Variants in HECTD4 observed in about 807,000 individuals in gnomAD.
HECTD4 encodes HECT domain E3 ubiquitin protein ligase 4, also known as probable E3 ubiquitin-protein ligase HECTD4.
Under a neutral mutation model 471.5 loss-of-function variants are expected in HECTD4, and 114 were observed. The ratio of observed to expected loss-of-function variants is 0.24; its 90% CI spans 0.21 to 0.28. The LOEUF is 0.28. Ranked by LOEUF, HECTD4 falls within the 10% of genes least tolerant of loss-of-function variation. HECTD4 has a pLI of 1.00. For missense variants in HECTD4, 3,866 were observed against 5,651.5 expected (o/e 0.68, Z 10.13); for synonymous variants, 2,012 against 2,256.0 (o/e 0.89, Z 3.07).
At chr12:112,266,688 G>A (rs2034279682) in intron 14 of HECTD4, among the ~76,000 whole-genome samples, 1 of 152,160 alleles carries the variant, frequency 6.6e-6, no homozygotes, top group Non-Finnish European at 1.5e-5. Flanking sequence ...TTGCTATGCT[G>A]GCCAGGCTGG....
rs528371214 is a variant in HECTD4, at chr12:112,216,308, G to A, written c.7449C>T (p.Asp2483=). ...TGCACTCACCGGGGGAGAGAGTCAC[G>A]TCTAAGCGAACGCTCTTCCACTGTA... The part of the protein sequence containing the change: ...SLLQWKSVRL[D]VTLSPGDVAG... The change falls in exon 48 of 76, where the codon GAC becomes GAT. Residue 2483 remains aspartate, a synonymous_variant. Transcript: ENST00000682272. The A allele has an allele frequency of 1.7e-5, 27 of 1,553,678 alleles. 1 individual carries two copies. The African/African-American group carries it at 1.8e-4, about 10-fold the overall frequency.
At chr12:112,260,836 G>C (rs1215593937) in intron 18 of HECTD4, among the ~76,000 whole-genome samples, 1 of 151,602 alleles carries the variant, frequency 6.6e-6, no homozygotes, top group Non-Finnish European at 1.5e-5. Context: ...TACTGTGAAA[G>C]AGAAGTCTGC....
At chr12:112,203,858 G>T in intron 53 of HECTD4, 86 bp from the exon 54 acceptor site, 1 of 692,184 alleles carries the variant, frequency 1.4e-6, no homozygotes, top group East Asian at 3.1e-5. Context: ...TAGCTCTCCA[G>T]ATAAACATAA....
chr12:112,181,518 A>T (rs918264667), intron 62 of HECTD4, among the ~76,000 whole-genome samples: 1 of 152,098 alleles, frequency 6.6e-6, no homozygotes, highest in African/African-American at 2.4e-5. Flanking sequence ...GTTGGAGTGC[A>T]GTGGCGTGAT....
chr12:112,162,555 G>A lies in HECTD4; in HGVS notation c.13121-32C>T, dbSNP rs2030730596. The A allele has an allele frequency of 1.2e-6, 2 of 1,613,468 alleles. No homozygotes were observed. The highest frequency in any genetic ancestry group is 2.7e-5 in the African/African-American group (2 of 74,922). ...GAAACCGAGCCAGCATCAGAGGGTT[G>A]GGCCCACATCTGTGAGGCTCCCAGG... On this transcript the variant is annotated intron_variant, in intron 75 of 75. Coordinates refer to ENST00000682272, the MANE Select transcript of HECTD4 (RefSeq NM_001388303.1). This position sits in a 1 kb window ranked among gnomAD's most constrained non-coding sequence, Gnocchi z 5.2.
intron 9 of HECTD4, among the ~76,000 whole-genome samples, chr12:112,275,645 T>A (rs2034511036): frequency 1.3e-5 from 2 of 152,058 alleles, no homozygotes; most frequent in Non-Finnish European, 2.9e-5. Flanking sequence ...TATGTATTAA[T>A]TGCTATCATT....
chr12:112,259,613 G>GGGTAAAAGTGATCCTCCCACCTC (rs1193819954), intron 18 of HECTD4, among the ~76,000 whole-genome samples: 1 of 147,432 alleles, frequency 6.8e-6, no homozygotes, highest in Non-Finnish European at 1.5e-5. Flanking sequence ...TTGATCTCCT[G>GGGTAAAAGTGATCCTCCCACCTC]GGTACAAGTG....
chr12:112,237,163 G>C (rs2033529948), intron 34 of HECTD4, 65 bp from the exon 35 acceptor site: 1 of 1,439,794 alleles, frequency 6.9e-7, no homozygotes, highest in Admixed American at 2.3e-5. Flanking sequence ...GTGAGCCTGA[G>C]GGGGCGGCGA....
intron 9 of HECTD4, among the ~76,000 whole-genome samples, chr12:112,275,176 T>C (rs1009368656): frequency 6.6e-6 from 1 of 152,204 alleles, no homozygotes; most frequent in Non-Finnish European, 1.5e-5. Context: ...TACCGAACCA[T>C]AGTTTTCAAA....
intron 52 of HECTD4, 71 bp from the exon 53 acceptor site, chr12:112,204,694 T>C: frequency 8.4e-7 from 1 of 1,184,256 alleles, no homozygotes; most frequent in East Asian, 2.4e-5. Flanking sequence ...CTGACTTACA[T>C]GTAGAGTGAA....
At chr12:112,362,500 G>A (rs1270867217) in intron 1 of HECTD4, among the ~76,000 whole-genome samples, 1 of 152,048 alleles carries the variant, frequency 6.6e-6, no homozygotes, top group Non-Finnish European at 1.5e-5. Flanking sequence ...GTGGAGTGAT[G>A]GGAGGGAGGG....
chr12:112,352,822 G>T (rs2036270239), intron 1 of HECTD4, among the ~76,000 whole-genome samples: 1 of 151,934 alleles, frequency 6.6e-6, no homozygotes, highest in Non-Finnish European at 1.5e-5. Context: ...GCCAGGGCTG[G>T]TCTCGAACTC....
At chr12:112,214,832 T>C (rs2032869056) in intron 48 of HECTD4, among the ~76,000 whole-genome samples, 1 of 152,124 alleles carries the variant, frequency 6.6e-6, no homozygotes, top group African/African-American at 2.4e-5. Context: ...TTCCAAGTCA[T>C]AGTATGACTT....
intron 1 of HECTD4, among the ~76,000 whole-genome samples, chr12:112,357,022 C>T (rs1009496056): frequency 3.9e-5 from 6 of 152,074 alleles, no homozygotes; most frequent in African/African-American, 1.4e-4. Flanking sequence ...ACGGAACATA[C>T]TTTATTTTCC....
chr12:112,209,512 G>C (rs1167985420), intron 50 of HECTD4, among the ~76,000 whole-genome samples: 1 of 152,072 alleles, frequency 6.6e-6, no homozygotes, highest in Non-Finnish European at 1.5e-5. Flanking sequence ...TTTTAGTAGA[G>C]ACGGGGTTTC....
In HECTD4 at chr12:112,360,343, G is replaced by T. The variant is rs545508012; in HGVS notation, c.177+21609C>A. On this transcript the variant is annotated intron_variant, in intron 1 of 75. Transcript: ENST00000682272. Reference sequence around the variant, plus strand: ...AGACCCTGTCTCTAAGTAAATAAATGAATAAAATGTATAAAGTAGCAAAAT... The same window carrying T: ...AGACCCTGTCTCTAAGTAAATAAATTAATAAAATGTATAAAGTAGCAAAAT... Among the ~76,000 whole-genome samples, 10 of 152,076 alleles carry T rather than the reference G, an allele frequency of 6.6e-5. No homozygotes were observed. In the South Asian group the frequency reaches 2.1e-3, roughly 32 times the overall value.
rs1477462853 is a variant in HECTD4, at chr12:112,235,660, G to A, written c.5569C>T (p.Leu1857=). The A allele has an allele frequency of 1.2e-6, 2 of 1,613,918 alleles. No individual in the cohort carries two copies. Among genetic ancestry groups the A allele is most frequent in the African/African-American group, 2.7e-5 (2 of 74,934 alleles). ...CAGTCTTCTACGCTCATCAGGGGCA[G>A]CGCCGCCCGGCACAGCTGGAGAATA... ...LIILQLCRAA[L]PLMSVEDCGN... is the part of the protein sequence containing the mutation. Residue 1857 remains leucine (L), a synonymous_variant, in exon 36 of 76, where the codon CTG becomes TTG. Transcript: ENST00000682272. This position sits in a 1 kb window ranked among gnomAD's most constrained non-coding sequence, Gnocchi z 5.0.
At position 112,269,791 on chromosome 12, in the gene HECTD4, C is replaced by T. The variant is rs763500435; in HGVS notation, c.2234G>A (p.Arg745Gln). 11 of 1,613,874 alleles carry T rather than the reference C, an allele frequency of 6.8e-6. No individual in the cohort carries two copies. The highest frequency in any genetic ancestry group is 1.7e-5 in the Admixed American group (1 of 60,022). The change falls in exon 13 of 76, where the codon CGG becomes CAG. Residue 745 changes from arginine to glutamine, a missense_variant. By Grantham distance (43) the Arg-to-Gln change is conservative (BLOSUM62 1). Around this residue, in one of 16 missense-constraint regions of HECTD4, gnomAD observed 525 missense variants for 672.6 expected, o/e 0.78. Coordinates refer to ENST00000682272, the MANE Select transcript of HECTD4 (RefSeq NM_001388303.1). ...CAACTGCCAAAGAAGCAATCCCGACCGTCGAATGATGTCTCGATTCCTTTC... is the reference window on the plus strand; with the variant it reads ...CAACTGCCAAAGAAGCAATCCCGACTGTCGAATGATGTCTCGATTCCTTTC... ...QTERNRDIIRRSGLLLWQLLM... is the reference protein window; with the variant it reads ...QTERNRDIIRQSGLLLWQLLM...
chr12:112,291,868 T>A (rs1339624110), intron 7 of HECTD4, among the ~76,000 whole-genome samples: 1 of 152,064 alleles, frequency 6.6e-6, no homozygotes, highest in Non-Finnish European at 1.5e-5. Context: ...TGAGTCTCCA[T>A]CTCAGAAAAA....
Sources: allele counts gnomAD v4.1 joint callset (sites outside exome capture counted in the v4.1 genomes callset), GRCh38; gene constraint gnomAD v4.1.1; regional missense constraint gnomAD v4.1.1; non-coding constraint Gnocchi (gnomAD v3.1); transcripts MANE v1.5; gene names NCBI Gene and HGNC (gene_info 2026-07-23, HGNC 2026-07-21).